ABCC1: variants seen among roughly 807,000 people sequenced by gnomAD.
ABCC1 encodes the protein ATP binding cassette subfamily C member 1 (ABCC1 blood group), also known as multidrug resistance-associated protein 1.
Under a neutral mutation model 172.9 loss-of-function variants are expected in ABCC1, and 83 were observed. The ratio of observed to expected loss-of-function variants is 0.48; its 90% CI spans 0.40 to 0.58. The LOEUF is 0.58. Ranked by LOEUF, ABCC1 falls within the 20% of genes least tolerant of loss-of-function variation. ABCC1 has a pLI of 0.00. For synonymous variants in ABCC1, 937 were observed against 825.2 expected, an observed-to-expected ratio of 1.14 and a Z score of -2.32; for missense variants, 1,817 against 2,002.7, an observed-to-expected ratio of 0.91 and a Z score of 1.77.
intron 14 of ABCC1, among the ~76,000 whole-genome samples, chr16:16,075,594 G>T (rs1264498995): frequency 6.6e-6 from 1 of 152,184 alleles, no homozygotes; most frequent in African/African-American, 2.4e-5. Context: ...TCGCACCACT[G>T]CGCTCCAGCC....
intron 16 of ABCC1, among the ~76,000 whole-genome samples, chr16:16,080,103 G>A (rs761062061): frequency 4.6e-5 from 7 of 152,034 alleles, no homozygotes; most frequent in Non-Finnish European, 1.0e-4. Context: ...GTGAGCCACC[G>A]CATTTGGCCA....
intron 16 of ABCC1, 31 bp from the exon 17 acceptor site, chr16:16,083,335 T>C (rs530544617): frequency 2.5e-6 from 4 of 1,606,694 alleles, no homozygotes; most frequent in East Asian, 4.5e-5. Flanking sequence ...TCTGTGTGTC[T>C]GTCTCACCTC....
In ABCC1 at chr16:16,104,988, C is replaced by G. The variant is rs374353398; in HGVS notation, c.2736-1750C>G. On this transcript the variant is annotated intron_variant, in intron 20 of 30. Coordinates refer to ENST00000399410, the MANE Select transcript of ABCC1 (RefSeq NM_004996.4). Reference sequence around the variant, plus strand: ...GGCCCGCAAGCGCCCTGTGCAGCTCCGGTTCCCTCCCGTTCCTCTCCCTCC... The same window carrying G: ...GGCCCGCAAGCGCCCTGTGCAGCTCGGGTTCCCTCCCGTTCCTCTCCCTCC... Among the ~76,000 whole-genome samples, 6 of 152,092 alleles carry G rather than the reference C, an allele frequency of 3.9e-5. No homozygotes were observed. The East Asian group carries it at 9.7e-4, about 25-fold the overall frequency.
chr16:16,016,683 A>G lies in ABCC1; in HGVS notation c.615+62A>G. The G allele has an allele frequency of 2.5e-6, 4 of 1,596,710 alleles. No homozygotes were observed. The Admixed American group carries it at 5.1e-5, about 20-fold the overall frequency. ...GTGTGAGAGAGATGCGTGACACAGT[A>G]CCAGCTAACATTTCTTAGATCCATC... On this transcript the variant is annotated intron_variant, in intron 5 of 30. Coordinates refer to ENST00000399410, the MANE Select transcript of ABCC1 (RefSeq NM_004996.4).
At chr16:15,983,066 A>C (rs1567285822) in intron 1 of ABCC1, among the ~76,000 whole-genome samples, 1 of 152,168 alleles carries the variant, frequency 6.6e-6, no homozygotes. Flanking sequence ...AAAAAATCTG[A>C]TAAGTACTTA....
At chr16:16,048,714 C>T (rs1158447459) in intron 10 of ABCC1, among the ~76,000 whole-genome samples, 1 of 152,142 alleles carries the variant, frequency 6.6e-6, no homozygotes, top group African/African-American at 2.4e-5. Context: ...TGGCCGGTTG[C>T]AGAGGCTCAC....
At chr16:16,079,636 C>T (rs972900690) in intron 16 of ABCC1, among the ~76,000 whole-genome samples, 158 bp downstream of exon 16, 4 of 152,106 alleles carry the variant, frequency 2.6e-5, no homozygotes, top group African/African-American at 7.2e-5. Context: ...GTCTCTTTCT[C>T]TCTCGTTCTT....
intron 3 of ABCC1, among the ~76,000 whole-genome samples, chr16:16,013,598 T>C (rs1264967802): frequency 6.6e-6 from 1 of 151,846 alleles, no homozygotes. Flanking sequence ...TATCAAGCGT[T>C]GGAGACACAA....
intron 5 of ABCC1, among the ~76,000 whole-genome samples, chr16:16,017,718 T>A (rs962352479): frequency 1.3e-5 from 2 of 152,140 alleles, no homozygotes; most frequent in African/African-American, 2.4e-5. Context: ...CTATTCTTTA[T>A]TTTTTTAAAT....
chr16:16,054,433 T>C (rs563808203), intron 11 of ABCC1, among the ~76,000 whole-genome samples: 1 of 152,312 alleles, frequency 6.6e-6, no homozygotes, highest in African/African-American at 2.4e-5. Context: ...CGGTGCCTTT[T>C]GGTCTATAAT....
Position 16,129,419 on chromosome 16 carries a change from C to T in ABCC1, c.3820-2370C>T, listed in dbSNP as rs575881354. Among the ~76,000 whole-genome samples, 13 of 152,114 alleles carry T rather than the reference C, an allele frequency of 8.5e-5. No homozygotes were observed. The East Asian group carries it at 2.5e-3, about 30-fold the overall frequency. On this transcript the variant is annotated intron_variant, in intron 26 of 30. Transcript: ENST00000399410. ...ATCCCAGCACTTTGGGAGGCCAAGG[C>T]AGATGGATCACTTGAGCCCAGGAGT... is the stretch of plus-strand genomic sequence containing the variant.
chr16:15,986,917 G>C (rs545185210), intron 1 of ABCC1, among the ~76,000 whole-genome samples: 135 of 152,272 alleles, frequency 8.9e-4, no homozygotes, highest in Non-Finnish European at 1.7e-3. Flanking sequence ...GCTCACGCCT[G>C]TAATCCTAAG....
chr16:16,009,409 G>A (rs1373321450), intron 2 of ABCC1, among the ~76,000 whole-genome samples: 1 of 152,176 alleles, frequency 6.6e-6, no homozygotes, highest in African/African-American at 2.4e-5. Flanking sequence ...AGTAAATACT[G>A]GTTGAATGAA....
rs1158545882 is a variant in ABCC1, at chr16:16,048,208, G to C, written c.1285G>C (p.Val429Leu). Residue 429 changes from valine (V) to leucine (L), a missense_variant, in exon 10 of 31, where the codon GTG becomes CTG. Physicochemically the swap from Val to Leu is conservative, Grantham distance 32. Around this residue, in one of 3 missense-constraint regions of ABCC1, gnomAD observed 1,412 missense variants for 1,600.3 expected, o/e 0.88. Transcript: ENST00000399410. The part of the protein sequence containing the change: ...TVGEIVNLMS[V>L]DAQRFMDLAT... Reference sequence around the variant, plus strand: ...CGGGGAGATTGTCAACCTCATGTCTGTGGACGCTCAGAGGTTCATGGACTT... The same window carrying C: ...CGGGGAGATTGTCAACCTCATGTCTCTGGACGCTCAGAGGTTCATGGACTT... 2 of 1,614,084 alleles carry C rather than the reference G, an allele frequency of 1.2e-6. No homozygotes were observed. Among genetic ancestry groups the C allele is most frequent in the African/African-American group, 2.7e-5 (2 of 74,932 alleles).
At chr16:16,080,203 C>G (rs757531704) in intron 16 of ABCC1, among the ~76,000 whole-genome samples, 5 of 152,124 alleles carry the variant, frequency 3.3e-5, no homozygotes, top group Admixed American at 6.5e-5. Flanking sequence ...CTGAGTGTCT[C>G]TTGGTCTGTT....
At chr16:15,992,590 G>A (rs1012229122) in intron 1 of ABCC1, among the ~76,000 whole-genome samples, 5 of 152,110 alleles carry the variant, frequency 3.3e-5, no homozygotes, top group Admixed American at 1.3e-4. Flanking sequence ...TAGTAGAGAC[G>A]GGGTTTTACC....
rs2045818565 is a variant in ABCC1, at chr16:15,949,706, C to T, written c.-46C>T. ...GCCGCCGCCCGCGCCAGCAACCGGGCCCGATCACCCGCCGCCCGGTGCCCG... is the reference window on the plus strand; with the variant it reads ...GCCGCCGCCCGCGCCAGCAACCGGGTCCGATCACCCGCCGCCCGGTGCCCG... On this transcript the variant is annotated 5_prime_UTR_variant, in exon 1 of 31. Coordinates refer to ENST00000399410, the MANE Select transcript of ABCC1 (RefSeq NM_004996.4). 17 of 1,087,596 alleles carry T rather than the reference C, an allele frequency of 1.6e-5. No individual in the cohort carries two copies. Among genetic ancestry groups the T allele is most frequent in the Non-Finnish European group, 1.7e-5 (15 of 894,618 alleles). 67.4% of individuals were successfully genotyped at this position (1,087,596 alleles called of 1,614,324 possible).
At chr16:16,050,729 C>CAAA (rs35207136) in intron 10 of ABCC1, among the ~76,000 whole-genome samples, 204 of 66,358 alleles carry the variant, frequency 3.1e-3, no homozygotes, top group East Asian at 4.0e-3. Context: ...CCTGTCTCTA[C>CAAA]AAAAAAAAAA....
At position 16,071,715 on chromosome 16, in the gene ABCC1, G is replaced by A. The variant is rs112282109; in HGVS notation, c.1898G>A (p.Arg633Gln). The change falls in exon 14 of 31, where the codon CGG becomes CAG. Residue 633 changes from arginine (R) to glutamine (Q), a missense_variant. Physicochemically the swap from Arg to Gln is conservative, Grantham distance 43. Coordinates refer to ENST00000399410, the MANE Select transcript of ABCC1 (RefSeq NM_004996.4). ...EELEPDSIER[R>Q]PVKDGGGTNS... is the part of the protein sequence containing the mutation. ...CTGGAACCTGACAGCATCGAGCGAC[G>A]GCCTGTCAAAGACGGTGTGTGTGTG... 2.9e-3 allele frequency: 4,759 copies of A among 1,613,638 alleles called. 9 individuals carry two copies. Among genetic ancestry groups the A allele is most frequent in the Non-Finnish European group, 3.7e-3 (4,393 of 1,179,806 alleles).
Sources: gnomAD v4.1 joint callset for allele counts (sites outside exome capture counted in the v4.1 genomes callset) on GRCh38, gnomAD v4.1.1 for gene constraint, gnomAD v4.1.1 regional missense constraint, MANE v1.5 for transcripts, NCBI Gene and HGNC (gene_info 2026-07-23, HGNC 2026-07-21) for gene names.